Variants in POLL observed in about 807,000 individuals in gnomAD.
POLL encodes DNA polymerase beta-2.
A neutral mutation model predicts 58.1 loss-of-function variants in POLL; 44 were observed. The ratio of observed to expected loss-of-function variants is 0.76; its 90% CI spans 0.60 to 0.97. The LOEUF (loss-of-function observed/expected upper bound fraction) is 0.97. Among genes scored for constraint, POLL ranks in the 50% least tolerant of loss-of-function variants. POLL has a pLI of 0.00. For missense variants in POLL, 632 were observed against 736.8 expected (o/e 0.86, Z 1.65); for synonymous variants, 290 against 283.2 (o/e 1.02, Z -0.24).
At position 101,580,065 on chromosome 10, in the gene POLL, G is replaced by A. The variant is rs2062895986; in HGVS notation, c.1363+183C>T. ...CACTGAGCACCTCCACATAGGTGTG[G>A]CGGGGCTGTTCCATCTCTCCCTGGA... On this transcript the variant is annotated intron_variant, in intron 8 of 8. Transcript: ENST00000370162. The surrounding 1 kb of genome is among the most constrained non-coding windows in gnomAD (Gnocchi z 4.1). 1.5e-6 allele frequency: 1 copy of A among 682,130 alleles called. No homozygotes were observed. The highest frequency in any genetic ancestry group is 2.9e-5 in the Admixed American group (1 of 33,920). 42.3% of individuals were successfully genotyped at this position (682,130 alleles called of 1,614,324 possible).
chr10:101,585,048 T>C, intron 4 of POLL, 129 bp from the exon 5 acceptor site: 1 of 696,040 alleles, frequency 1.4e-6, no homozygotes, highest in Non-Finnish European at 2.2e-6. Flanking sequence ...AGGCGGGGCC[T>C]TCTGCATCAG....
In POLL at chr10:101,587,846, G is replaced by C. The variant is rs1386858734; in HGVS notation, c.-71C>G. 8.4e-7 allele frequency: 1 copy of C among 1,190,218 alleles called. No homozygotes were observed. 73.7% of individuals were successfully genotyped at this position (1,190,218 alleles called of 1,614,324 possible). The stretch of plus-strand genomic sequence containing the variant: ...CCTCCAACACAGACTCGCAGAGGAA[G>C]GAGGAGGACTTTCGGGGGTGAGTGG... On this transcript the variant is annotated 5_prime_UTR_variant, in exon 1 of 9. Transcript: ENST00000370162.
At chr10:101,587,206 G>C in intron 2 of POLL, 40 bp downstream of exon 2, 1 of 1,613,784 alleles carries the variant, frequency 6.2e-7, no homozygotes, top group South Asian at 1.1e-5. Context: ...GAAGGCTGTG[G>C]GTTCAAGCAC....
At chr10:101,585,295 G>C (rs760577649) in intron 4 of POLL, 21 bp downstream of exon 4, 1 of 1,508,380 alleles carries the variant, frequency 6.6e-7, no homozygotes. Context: ...AGGGAGTTCT[G>C]AGGGATGGGA....
At position 101,580,323 on chromosome 10, in the gene POLL, C is replaced by G; in HGVS notation, c.1288G>C (p.Val430Leu). 12 of 1,614,052 alleles carry G rather than the reference C, an allele frequency of 7.4e-6. No individual in the cohort carries two copies. Among genetic ancestry groups the G allele is most frequent in the Non-Finnish European group, 1.0e-5 (12 of 1,179,982 alleles). ...RGKATCGDVD[V>L]LITHPDGRSH... Reference sequence around the variant, plus strand: ...CGGCCATCTGGGTGAGTGATGAGCACGTCGACATCACCACAGGTCGCCTTT... The same window carrying G: ...CGGCCATCTGGGTGAGTGATGAGCAGGTCGACATCACCACAGGTCGCCTTT... The change falls in exon 8 of 9, where the codon GTG becomes CTG. Residue 430 changes from valine to leucine, a missense_variant. By Grantham distance (32) the Val-to-Leu change is conservative. Coordinates refer to ENST00000370162, the MANE Select transcript of POLL (RefSeq NM_001174084.2). This position sits in a 1 kb window ranked among gnomAD's most constrained non-coding sequence, Gnocchi z 4.1.
At position 101,584,833 on chromosome 10, in the gene POLL, G is replaced by A. The variant is rs1430421072; in HGVS notation, c.660C>T (p.Pro220=). The A allele has an allele frequency of 2.0e-6, 3 of 1,538,234 alleles. No individual in the cohort carries two copies. Among genetic ancestry groups the A allele is most frequent in the African/African-American group, 2.7e-5 (2 of 72,764 alleles). Residue 220 remains proline, a synonymous_variant, in exon 5 of 9, where the codon CCC becomes CCT. Transcript: ENST00000370162. ...GCTCACAATCTCCCTCAAGGGAGGT[G>A]GGGTAGTGGCCACTGATGAGGGCTT... ...DLEALISGHY[P]TSLEGDCEPS...
Position 101,579,429 on chromosome 10 carries a change from C to A in POLL, c.*24G>T, listed in dbSNP as rs534951407. On this transcript the variant is annotated 3_prime_UTR_variant, in exon 9 of 9. Transcript: ENST00000370162. This position sits in a 1 kb window ranked among gnomAD's most constrained non-coding sequence, Gnocchi z 4.4. The stretch of plus-strand genomic sequence containing the variant: ...GAGGGGTAGCCAGTCCAACTCGGCT[C>A]TCCTCAGCACCCCCAGCCATGGGTC... 1.3e-5 allele frequency: 20 copies of A among 1,578,562 alleles called. No homozygotes were observed. The South Asian group carries it at 2.3e-4, about 18-fold the overall frequency.
At position 101,580,504 on chromosome 10, in the gene POLL, C is replaced by T. The variant is rs1343778291; in HGVS notation, c.1195-88G>A. The T allele has an allele frequency of 3.3e-6, 4 of 1,223,014 alleles. No homozygotes were observed. In the African/African-American group the frequency reaches 6.0e-5, roughly 18 times the overall value. 75.8% of individuals were successfully genotyped at this position (1,223,014 alleles called of 1,614,324 possible). A position where few individuals can be genotyped will look rare whatever the true frequency, so the allele number is the denominator to read the frequency against. ...ACAAGGGCCTTCCCAGACTCGGGCC[C>T]ACACCCTCAGCTTATGCCCATTCCA... On this transcript the variant is annotated intron_variant, in intron 7 of 8. Coordinates refer to ENST00000370162, the MANE Select transcript of POLL (RefSeq NM_001174084.2). The surrounding 1 kb of genome is among the most constrained non-coding windows in gnomAD (Gnocchi z 4.1).
Position 101,583,507 on chromosome 10 carries a change from C to T in POLL, c.1065+1G>A, listed in dbSNP as rs1379992014. Reference sequence around the variant, plus strand: ...AAGTAGGGGCTGAGCCAGGGTGTGACCTGTTGGTACCACATCTGGGCAGTC... The same window carrying T: ...AAGTAGGGGCTGAGCCAGGGTGTGATCTGTTGGTACCACATCTGGGCAGTC... On this transcript the variant is annotated splice_donor_variant, in intron 6 of 8. Transcript: ENST00000370162. LOFTEE classifies it high-confidence loss of function. The T allele has an allele frequency of 6.2e-7, 1 of 1,612,468 alleles. No homozygotes were observed. The highest frequency in any genetic ancestry group is 8.5e-7 in the Non-Finnish European group (1 of 1,180,002).
At chr10:101,583,390 T>A in intron 6 of POLL, 118 bp downstream of exon 6, 1 of 1,108,542 alleles carries the variant, frequency 9.0e-7, no homozygotes, top group Non-Finnish European at 1.3e-6. Flanking sequence ...CTCCCTATAC[T>A]GTGGGTGCAT....
rs1040632848 is a variant in POLL at position 101,586,043 on chromosome 10, C to T, written c.229G>A (p.Gly77Ser). Residue 77 changes from glycine to serine, a missense_variant, in exon 3 of 9, where the codon GGC becomes AGC. Coordinates refer to ENST00000370162, the MANE Select transcript of POLL (RefSeq NM_001174084.2). Reference protein sequence around the residue: ...QHGGQLCPAQGPGVTHIVVDE... With the variant: ...QHGGQLCPAQSPGVTHIVVDE... ...ACCACAATGTGAGTGACACCTGGGC[C>T]CTGGGCAGGGCATAGCTGGCCGCCA... The T allele has an allele frequency of 6.2e-7, 1 of 1,614,092 alleles. No homozygotes were observed.
Position 101,583,526 on chromosome 10 carries a change from G to A in POLL, c.1047C>T (p.Ala349=). Residue 349 remains alanine (A), a synonymous_variant, in exon 6 of 9, where the codon GCC becomes GCT. Transcript: ENST00000370162. ...SNIWGAGTKT[A]QMWYQQGFRS... is the part of the protein sequence containing the mutation. ...GTGTGACCTGTTGGTACCACATCTG[G>A]GCAGTCTTGGTCCCAGCTCCCCAGA... 1 of 1,613,092 alleles carries A rather than the reference G, an allele frequency of 6.2e-7. No individual in the cohort carries two copies. The highest frequency in any genetic ancestry group is 8.5e-7 in the Non-Finnish European group (1 of 1,180,024).
chr10:101,583,464 T>C (rs1382391226), intron 6 of POLL, 44 bp downstream of exon 6: 2 of 1,605,848 alleles, frequency 1.2e-6, no homozygotes, highest in African/African-American at 1.3e-5. Context: ...GCAGGAACTC[T>C]GAGACACAGC....
rs576043661 is a variant in POLL, at chr10:101,579,410, T to C, written c.*43A>G. On this transcript the variant is annotated 3_prime_UTR_variant, in exon 9 of 9. Coordinates refer to ENST00000370162, the MANE Select transcript of POLL (RefSeq NM_001174084.2). This position sits in a 1 kb window ranked among gnomAD's most constrained non-coding sequence, Gnocchi z 4.4. ...GGGAGTACTGGGTGGCCAGGAGGGG[T>C]AGCCAGTCCAACTCGGCTCTCCTCA... 1 of 1,549,668 alleles carries C rather than the reference T, an allele frequency of 6.5e-7. No homozygotes were observed. Among genetic ancestry groups the C allele is most frequent in the Non-Finnish European group, 8.7e-7 (1 of 1,153,028 alleles).
At position 101,584,855 on chromosome 10, in the gene POLL, G is replaced by A. The variant is rs2063215455; in HGVS notation, c.638C>T (p.Ala213Val). The A allele has an allele frequency of 5.4e-6, 8 of 1,489,170 alleles. No homozygotes were observed. In the African/African-American group the frequency reaches 1.1e-4, roughly 21 times the overall value. The allele number at this position is 1,489,170 out of a possible 1,614,324, so 92.2% of individuals were successfully genotyped here. The change falls in exon 5 of 9, where the codon GCC becomes GTC. Residue 213 changes from alanine (A) to valine (V), a missense_variant. Coordinates refer to ENST00000370162, the MANE Select transcript of POLL (RefSeq NM_001174084.2). ...ETQVSAADLE[A>V]LISGHYPTSL... ...GGTGGGGTAGTGGCCACTGATGAGG[G>A]CTTCCAGATCAGCTGCACTAACCTG...
chr10:101,588,022 G>C lies in POLL; in HGVS notation c.-247C>G, dbSNP rs1267124796. ...GCTGCGGGTGAAGTCCCGGGCAGGT[G>C]CGGTGTACTCGCCGTGTACGCAGCT... On this transcript the variant is annotated 5_prime_UTR_variant, in exon 1 of 9. Coordinates refer to ENST00000370162, the MANE Select transcript of POLL (RefSeq NM_001174084.2). 7.3e-7 allele frequency: 1 copy of C among 1,378,454 alleles called. No individual in the cohort carries two copies. The highest frequency in any genetic ancestry group is 9.6e-7 in the Non-Finnish European group (1 of 1,047,050). 85.4% of individuals were successfully genotyped at this position (1,378,454 alleles called of 1,614,324 possible).
In POLL at chr10:101,587,409, G is replaced by A. The variant is rs1378863818; in HGVS notation, c.-46-3C>T. On this transcript the variant is annotated splice_region_variant and splice_polypyrimidine_tract_variant and intron_variant, in intron 1 of 8. Transcript: ENST00000370162. The stretch of plus-strand genomic sequence containing the variant: ...TATTGGAGCGTTGGTCAGGGCTGCT[G>A]CACGTGGAAATCCAGAATTGAGGCC... The A allele has an allele frequency of 4.3e-6, 7 of 1,610,800 alleles. No individual in the cohort carries two copies. Among genetic ancestry groups the A allele is most frequent in the Non-Finnish European group, 5.9e-6 (7 of 1,178,924 alleles).
rs1431813972 is a variant in POLL at position 101,587,265 on chromosome 10, T to C, written c.96A>G (p.Glu32=). Residue 32 remains glutamate, a synonymous_variant, in exon 2 of 9, where the codon GAA becomes GAG. Coordinates refer to ENST00000370162, the MANE Select transcript of POLL (RefSeq NM_001174084.2). ...SKVLAKIPRR[E]EGEEAEEWLS... ...GCTCACCTTCTGCTTCTTCTCCCTC[T>C]TCCCTCCTAGGAATCTTTGCAAGTA... The C allele has an allele frequency of 1.2e-6, 2 of 1,613,860 alleles. No homozygotes were observed. Among genetic ancestry groups the C allele is most frequent in the South Asian group, 1.1e-5 (1 of 91,084 alleles).
chr10:101,579,776 G>A lies in POLL; in HGVS notation c.1405C>T (p.Gln469Ter), dbSNP rs201540862. 6.2e-6 allele frequency: 10 copies of A among 1,613,668 alleles called. No homozygotes were observed. In the Admixed American group the frequency reaches 8.3e-5, roughly 13 times the overall value. The change falls in exon 9 of 9, where the codon CAG becomes TAG. Residue 469 changes from glutamine to a stop codon, truncating the protein, a stop_gained. Coordinates refer to ENST00000370162, the MANE Select transcript of POLL (RefSeq NM_001174084.2). LOFTEE classifies it high-confidence loss of function. This position sits in a 1 kb window ranked among gnomAD's most constrained non-coding sequence, Gnocchi z 4.4. ...DDLVSQEENG[Q>*]QQKYLGVCRL... ...CACACCCCCAAGTACTTCTGTTGCT[G>A]ACCATTCTCCTCTTGGCTCACCAAG...
Sources: gnomAD v4.1 joint callset for allele counts on GRCh38, gnomAD v4.1.1 for gene constraint, Gnocchi (gnomAD v3.1) non-coding constraint, MANE v1.5 for transcripts, NCBI Gene and HGNC (gene_info 2026-07-23, HGNC 2026-07-21) for gene names.